Variants in ANPEP observed in about 807,000 individuals in gnomAD.
The protein encoded by ANPEP is alanyl aminopeptidase, membrane.
ANPEP carries 70 observed loss-of-function variants against 114.6 expected under a neutral mutation model. That is an observed-to-expected ratio of 0.61 (90% confidence interval 0.50 to 0.75). The LOEUF is 0.75. Among genes scored for constraint, ANPEP ranks in the 30% least tolerant of loss-of-function variants. The probability of loss-of-function intolerance (pLI) is 0.00; values close to 1 mark genes in which losing one functional copy is unlikely to be tolerated. For synonymous variants in ANPEP, 548 were observed against 522.3 expected (o/e 1.05, Z -0.67); for missense variants, 1,184 against 1,259.5 (o/e 0.94, Z 0.91).
chr15:89,785,487 C>T lies in ANPEP; in HGVS notation c.2766G>A (p.Lys922=), dbSNP rs753440884. 11 of 1,613,908 alleles carry T rather than the reference C, an allele frequency of 6.8e-6. No individual in the cohort carries two copies. ...EYELQQLEQF[K]KDNEETGFGS... ...CGAAGCCTGTTTCCTCGTTGTCCTT[C>T]TTGAACTGCTCCAGCTGCCAGAAAA... The change falls in exon 21 of 21, where the codon AAG becomes AAA. Residue 922 remains lysine, a synonymous_variant. Coordinates refer to ENST00000300060, the MANE Select transcript of ANPEP (RefSeq NM_001150.3).
chr15:89,788,033 T>C (rs999010422), intron 20 of ANPEP, among the ~76,000 whole-genome samples: 8 of 152,346 alleles, frequency 5.3e-5, no homozygotes, highest in South Asian at 2.1e-4. Context: ...ACACTGCTAA[T>C]AGGAATGGAC....
chr15:89,792,933 G>C lies in ANPEP; in HGVS notation c.2249+102C>G, dbSNP rs1968660625. The stretch of plus-strand genomic sequence containing the variant: ...CTGGGTGGGGGTCTCTCCCTGCCTG[G>C]TGCCCCCGCATTGAGAGCTGCGGCA... On this transcript the variant is annotated intron_variant, in intron 16 of 20. Transcript: ENST00000300060. 5 of 1,049,596 alleles carry C rather than the reference G, an allele frequency of 4.8e-6. No individual in the cohort carries two copies. In the East Asian group the frequency reaches 1.2e-4, roughly 25 times the overall value. 65.0% of individuals were successfully genotyped at this position (1,049,596 alleles called of 1,614,324 possible).
At chr15:89,801,374 C>T in intron 11 of ANPEP, 61 bp downstream of exon 11, 1 of 1,592,480 alleles carries the variant, frequency 6.3e-7, no homozygotes, top group Non-Finnish European at 8.6e-7. Context: ...TACTATGGTC[C>T]CTTAGTAACT....
chr15:89,793,645 G>A (rs556417951), intron 15 of ANPEP, among the ~76,000 whole-genome samples: 6 of 148,672 alleles, frequency 4.0e-5, no homozygotes, highest in African/African-American at 1.5e-4. Context: ...AGAGGTTACA[G>A]TGAGCTGTGA....
chr15:89,803,239 C>A lies in ANPEP; in HGVS notation c.1569G>T (p.Glu523Asp). 6.2e-7 allele frequency: 1 copy of A among 1,614,014 alleles called. No homozygotes were observed. The highest frequency in any genetic ancestry group is 8.5e-7 in the Non-Finnish European group (1 of 1,179,864). Reference sequence around the variant, plus strand: ...TGTGGAGGGGCTGGCTGCTACTGACCTCCTGCAGGTGGTCCCACAGGTTCA... The same window carrying A: ...TGTGGAGGGGCTGGCTGCTACTGACATCCTGCAGGTGGTCCCACAGGTTCA... ...IYLNLWDHLQ[E>D]AVNNRSIQLP... The change falls in exon 10 of 21, where the codon GAG (glutamate) becomes GAT (aspartate). Residue 523 changes from glutamate (E) to aspartate (D), a missense_variant and splice_region_variant. Physicochemically the swap from Glu to Asp is conservative, Grantham distance 45. Coordinates refer to ENST00000300060, the MANE Select transcript of ANPEP (RefSeq NM_001150.3). The surrounding 1 kb of genome is among the most constrained non-coding windows in gnomAD (Gnocchi z 4.2).
intron 14 of ANPEP, among the ~76,000 whole-genome samples, chr15:89,798,854 G>C (rs535914365): frequency 6.6e-6 from 1 of 152,294 alleles, no homozygotes; most frequent in East Asian, 1.9e-4. Context: ...GCAGAGAATC[G>C]CTTGAACCTG....
At chr15:89,791,916 G>A (rs779023534) in intron 18 of ANPEP, among the ~76,000 whole-genome samples, 1 of 152,172 alleles carries the variant, frequency 6.6e-6, no homozygotes, top group Non-Finnish European at 1.5e-5. Context: ...ACGAGTTGTT[G>A]TCAGGTAAAG....
chr15:89,803,103 C>G lies in ANPEP; in HGVS notation c.1569+136G>C, dbSNP rs113548985. 2.9e-4 allele frequency: 285 copies of G among 982,724 alleles called. 4 individuals carry two copies. In the African/African-American group the frequency reaches 3.8e-3, roughly 13 times the overall value. 60.9% of individuals were successfully genotyped at this position (982,724 alleles called of 1,614,324 possible). On this transcript the variant is annotated intron_variant, in intron 10 of 20. Transcript: ENST00000300060. This position sits in a 1 kb window ranked among gnomAD's most constrained non-coding sequence, Gnocchi z 4.2. ...CGGCTTCCACTATAGGGAGGAGCAA[C>G]AGAGGCTCCATCCACCCTGCAGGGC... is the stretch of plus-strand genomic sequence containing the variant.
rs868221702 is a variant in ANPEP, at chr15:89,785,239, G to A, written c.*110C>T. On this transcript the variant is annotated 3_prime_UTR_variant, in exon 21 of 21. Coordinates refer to ENST00000300060, the MANE Select transcript of ANPEP (RefSeq NM_001150.3). ...GTGGGCTGGAGACTTTGTCCTTGAG[G>A]GGAGGACACTGGTGCCTCGGGCTCC... 12 of 1,389,450 alleles carry A rather than the reference G, an allele frequency of 8.6e-6. No individual in the cohort carries two copies. The Middle Eastern group carries it at 5.8e-4, about 67-fold the overall frequency. 86.1% of individuals were successfully genotyped at this position (1,389,450 alleles called of 1,614,324 possible).
In ANPEP at chr15:89,806,899, T is replaced by G; in HGVS notation, c.-223-93A>C. 6.2e-6 allele frequency: 2 copies of G among 321,494 alleles called. No individual in the cohort carries two copies. The highest frequency in any genetic ancestry group is 5.9e-6 in the Non-Finnish European group (1 of 170,812). The allele number at this position is 321,494 out of a possible 1,614,324, so 19.9% of individuals were successfully genotyped here. On this transcript the variant is annotated intron_variant, in intron 1 of 20. Coordinates refer to ENST00000300060, the MANE Select transcript of ANPEP (RefSeq NM_001150.3). The surrounding 1 kb of genome is among the most constrained non-coding windows in gnomAD (Gnocchi z 5.7). ...GGCAGGCTTCCGGCTGTAGGCCCAG[T>G]GGGCAAAGCAAGCGGCCAGGTGGCA...
rs368040137 is a variant in ANPEP at position 89,803,825 on chromosome 15, T to C, written c.1294-35A>G. ...CCCCAGGGCCATCAGGAGACTGGCCTGGTAGCGGTGGCCCAGGTCTCCCTC... is the reference window on the plus strand; with the variant it reads ...CCCCAGGGCCATCAGGAGACTGGCCCGGTAGCGGTGGCCCAGGTCTCCCTC... On this transcript the variant is annotated intron_variant, in intron 7 of 20. Coordinates refer to ENST00000300060, the MANE Select transcript of ANPEP (RefSeq NM_001150.3). The surrounding 1 kb of genome is among the most constrained non-coding windows in gnomAD (Gnocchi z 4.2). 4.7e-5 allele frequency: 76 copies of C among 1,611,966 alleles called. No homozygotes were observed. Among genetic ancestry groups the C allele is most frequent in the Non-Finnish European group, 6.1e-5 (72 of 1,178,444 alleles).
intron 10 of ANPEP, among the ~76,000 whole-genome samples, chr15:89,802,152 G>T (rs1894607015): frequency 6.6e-6 from 1 of 152,178 alleles, no homozygotes. Context: ...AATAACTGAA[G>T]AAAGGAATCA....
At chr15:89,814,247 C>T (rs571365575) in intron 1 of ANPEP, among the ~76,000 whole-genome samples, 3 of 146,946 alleles carry the variant, frequency 2.0e-5, no homozygotes, top group Admixed American at 2.0e-4. Context: ...AGTTCCCCTT[C>T]CTCTTCACTG....
At chr15:89,805,296 G>A in intron 3 of ANPEP, 25 bp downstream of exon 3, 2 of 1,613,046 alleles carry the variant, frequency 1.2e-6, no homozygotes, top group Non-Finnish European at 1.7e-6. Flanking sequence ...CCCTGGCCCT[G>A]TGGCCGCAGG....
At chr15:89,787,072 G>A (rs977045386) in intron 20 of ANPEP, among the ~76,000 whole-genome samples, 1 of 122,810 alleles carries the variant, frequency 8.1e-6, no homozygotes, top group Non-Finnish European at 1.6e-5. Flanking sequence ...TTGAGGCAGA[G>A]TCTTGCTCTG....
chr15:89,790,493 T>C lies in ANPEP; in HGVS notation c.2718A>G (p.Thr906=). 1 of 1,613,870 alleles carries C rather than the reference T, an allele frequency of 6.2e-7. No homozygotes were observed. Among genetic ancestry groups the C allele is most frequent in the South Asian group, 1.1e-5 (1 of 91,068 alleles). Residue 906 remains threonine, a synonymous_variant, in exon 20 of 21, where the codon ACA becomes ACG. Coordinates refer to ENST00000300060, the MANE Select transcript of ANPEP (RefSeq NM_001150.3). ...FSFSNLIQAV[T]RRFSTEYELQ... ...GCTCATACTCGGTGGAGAATCGTCG[T>C]GTCACTGCCTGGATGAGGTTGGAGA... is the stretch of plus-strand genomic sequence containing the variant.
In ANPEP at chr15:89,799,127, G is replaced by T; in HGVS notation, c.2009+133C>A. On this transcript the variant is annotated intron_variant, in intron 14 of 20. Transcript: ENST00000300060. The surrounding 1 kb of genome is among the most constrained non-coding windows in gnomAD (Gnocchi z 4.2). Reference sequence around the variant, plus strand: ...GTGGGGACCCAGGGAGGGACGTCCAGGGAGCACAGGAGCTCAGGGCACAGC... The same window carrying T: ...GTGGGGACCCAGGGAGGGACGTCCATGGAGCACAGGAGCTCAGGGCACAGC... 1.0e-6 allele frequency: 1 copy of T among 1,002,684 alleles called. No homozygotes were observed. The allele number at this position is 1,002,684 out of a possible 1,614,324, so 62.1% of individuals were successfully genotyped here.
intron 18 of ANPEP, among the ~76,000 whole-genome samples, chr15:89,791,599 A>ATTTTTTTTT (rs10596905): frequency 1.5e-5 from 2 of 135,280 alleles, no homozygotes; most frequent in Non-Finnish European, 1.6e-5. Context: ...CACCATGCCT[A>ATTTTTTTTT]TTTTTTTTTT....
At chr15:89,800,121 G>A (rs768899189) in intron 12 of ANPEP, among the ~76,000 whole-genome samples, 1 of 152,124 alleles carries the variant, frequency 6.6e-6, no homozygotes, top group Non-Finnish European at 1.5e-5. Flanking sequence ...GGCCCTTGGG[G>A]ACCAGCTTTA....
Sources: gnomAD v4.1 joint callset for allele counts (sites outside exome capture counted in the v4.1 genomes callset) on GRCh38, gnomAD v4.1.1 for gene constraint, Gnocchi (gnomAD v3.1) non-coding constraint, MANE v1.5 for transcripts, NCBI Gene and HGNC (gene_info 2026-07-23, HGNC 2026-07-21) for gene names.